The following PCNX2 variants were observed in gnomAD, a reference collection of about 807,000 sequenced individuals.
PCNX2 encodes pecanex-like protein 2.
A neutral mutation model predicts 223.8 loss-of-function variants in PCNX2; 168 were observed. That is an observed-to-expected ratio of 0.75 (90% confidence interval 0.66 to 0.85). The LOEUF (loss-of-function observed/expected upper bound fraction) is 0.85. PCNX2 is among the 40% of genes least tolerant of loss of function. The pLI is 0.00. For missense variants in PCNX2, 2,507 were observed against 2,675.5 expected, an observed-to-expected ratio of 0.94 and a Z score of 1.39; for synonymous variants, 1,006 against 1,052.6, an observed-to-expected ratio of 0.96 and a Z score of 0.86.
chr1:233,292,382 T>C (rs980295271), intron 1 of PCNX2, among the ~76,000 whole-genome samples: 4 of 152,150 alleles, frequency 2.6e-5, no homozygotes, highest in African/African-American at 4.8e-5. Flanking sequence ...TAATTTTTTG[T>C]CTTTTTAGTA....
chr1:232,994,079 G>A (rs939601726), intron 32 of PCNX2, among the ~76,000 whole-genome samples: 5 of 152,228 alleles, frequency 3.3e-5, no homozygotes, highest in Admixed American at 2.0e-4. Flanking sequence ...AGCCCCCAGA[G>A]TCCCACTGGG....
intron 21 of PCNX2, among the ~76,000 whole-genome samples, chr1:233,116,114 T>C (rs1675392533): frequency 6.6e-6 from 1 of 150,664 alleles, no homozygotes; most frequent in African/African-American, 2.4e-5. Context: ...ACAATAGAAA[T>C]GCAAAATATG....
At chr1:232,987,682 C>T (rs990857612) in intron 32 of PCNX2, among the ~76,000 whole-genome samples, 7 of 152,122 alleles carry the variant, frequency 4.6e-5, no homozygotes, top group Non-Finnish European at 1.0e-4. Flanking sequence ...CCAGGAGAAC[C>T]CAAGAACTGA....
intron 17 of PCNX2, chr1:233,172,258 C>A (rs777253995): frequency 6.9e-6 from 5 of 719,472 alleles, no homozygotes; most frequent in Non-Finnish European, 8.5e-6. Context: ...GTGCATTTTC[C>A]CTAAAAAAAC....
intron 15 of PCNX2, among the ~76,000 whole-genome samples, chr1:233,183,716 T>C (rs1412490397): frequency 6.6e-6 from 1 of 152,046 alleles, no homozygotes; most frequent in African/African-American, 2.4e-5. Context: ...GAGAGAGTCT[T>C]GGAAAGGAAA....
chr1:233,295,806 C>T (rs974459002), upstream of PCNX2: 3 of 274,588 alleles, frequency 1.1e-5, no homozygotes, highest in Non-Finnish European at 1.4e-5. The surrounding 1 kb of genome is among the most constrained non-coding windows in gnomAD (Gnocchi z 4.1). Context: ...CCAGTCCCTC[C>T]TTAGCCTTCG....
chr1:233,062,814 C>T (rs907096542), intron 23 of PCNX2, among the ~76,000 whole-genome samples: 1 of 152,090 alleles, frequency 6.6e-6, no homozygotes, highest in African/African-American at 2.4e-5. Context: ...ATTATAAAGA[C>T]AATTCTACAG....
chr1:233,114,886 G>A (rs1305095127), intron 21 of PCNX2, among the ~76,000 whole-genome samples: 1 of 152,120 alleles, frequency 6.6e-6, no homozygotes, highest in Non-Finnish European at 1.5e-5. Context: ...ACTTTCAGGG[G>A]TTTTACTTCC....
At chr1:233,234,295 C>T (rs1259021308) in intron 9 of PCNX2, among the ~76,000 whole-genome samples, 1 of 152,200 alleles carries the variant, frequency 6.6e-6, no homozygotes, top group African/African-American at 2.4e-5. Context: ...AGTAGAACTA[C>T]ATTATTTTCC....
In PCNX2 at chr1:233,290,894, T is replaced by C. The variant is rs753103343; in HGVS notation, c.153+4432A>G. 4.1e-6 allele frequency: 4 copies of C among 985,268 alleles called. No individual in the cohort carries two copies. The African/African-American group carries it at 5.2e-5, about 13-fold the overall frequency. 61.0% of individuals were successfully genotyped at this position (985,268 alleles called of 1,614,324 possible). On this transcript the variant is annotated intron_variant, in intron 1 of 33. Coordinates refer to ENST00000258229, the MANE Select transcript of PCNX2 (RefSeq NM_014801.4). ...GGAAAGGGCTGCCCATACAAACATA[T>C]ATGCCAGGCCTGGAAAATTAAGTCT...
At chr1:233,294,181 G>A (rs186079315) in intron 1 of PCNX2, among the ~76,000 whole-genome samples, 6 of 152,236 alleles carry the variant, frequency 3.9e-5, no homozygotes, top group African/African-American at 1.4e-4. Flanking sequence ...GTAAACCCAA[G>A]GCCTGAGTCC....
chr1:232,996,853 C>T (rs1015209575), intron 32 of PCNX2, among the ~76,000 whole-genome samples: 5 of 152,156 alleles, frequency 3.3e-5, no homozygotes, highest in African/African-American at 7.2e-5. Flanking sequence ...TTTACAAATG[C>T]GGGACAAAGA....
intron 21 of PCNX2, among the ~76,000 whole-genome samples, chr1:233,132,307 G>A (rs1676552035): frequency 6.6e-6 from 1 of 152,044 alleles, no homozygotes; most frequent in Admixed American, 6.5e-5. Context: ...TTCTACACAG[G>A]ATGTCGCTGA....
rs989915349 is a variant in PCNX2, at chr1:232,990,240, C to T, written c.5792-3700G>A. On this transcript the variant is annotated intron_variant, in intron 32 of 33. Transcript: ENST00000258229. The surrounding 1 kb of genome is among the most constrained non-coding windows in gnomAD (Gnocchi z 4.3). ...CCGGGCAGGGCCAGGCAGAGCCGCC[C>T]CTCCCGTTGTGGTAGCCTCCTTCTT... 2.0e-5 allele frequency among the ~76,000 whole-genome samples: 3 copies of T among 152,162 alleles called. No individual in the cohort carries two copies. The highest frequency in any genetic ancestry group is 7.2e-5 in the African/African-American group (3 of 41,440).
In PCNX2 at chr1:233,263,019, C is replaced by T. The variant is rs1380486929; in HGVS notation, c.298G>A (p.Glu100Lys). The change falls in exon 2 of 34, where the codon GAA (glutamate) becomes AAA (lysine). Residue 100 changes from glutamate to lysine, a missense_variant. Coordinates refer to ENST00000258229, the MANE Select transcript of PCNX2 (RefSeq NM_014801.4). ...GCCTCCTTGTCTTTATTTGGCTTTTCTTCCTTTCTGGAGGGCTTTTGCTGA... is the reference window on the plus strand; with the variant it reads ...GCCTCCTTGTCTTTATTTGGCTTTTTTTCCTTTCTGGAGGGCTTTTGCTGA... Reference protein sequence around the residue: ...VIQQKPSRKEEKPNKDKEAKG... With the variant: ...VIQQKPSRKEKKPNKDKEAKG... 1 of 1,613,712 alleles carries T rather than the reference C, an allele frequency of 6.2e-7. No homozygotes were observed. Among genetic ancestry groups the T allele is most frequent in the Non-Finnish European group, 8.5e-7 (1 of 1,179,788 alleles).
intron 19 of PCNX2, among the ~76,000 whole-genome samples, chr1:233,154,556 C>G (rs1160820473): frequency 6.6e-6 from 1 of 152,180 alleles, no homozygotes. Context: ...AGTGAATTTA[C>G]AAAGCATTAA....
At chr1:233,275,937 G>A (rs764265317) in intron 1 of PCNX2, among the ~76,000 whole-genome samples, 27 of 152,094 alleles carry the variant, frequency 1.8e-4, no homozygotes, top group Non-Finnish European at 4.0e-4. Flanking sequence ...GGCTGAGGCA[G>A]GAGAATCGCT....
intron 21 of PCNX2, among the ~76,000 whole-genome samples, chr1:233,103,983 G>A (rs1013858715): frequency 1.3e-5 from 2 of 152,138 alleles, no homozygotes; most frequent in African/African-American, 2.4e-5. Context: ...AGGTGATGCT[G>A]ATGCTGCCAG....
At chr1:233,236,758 T>C in intron 9 of PCNX2, 87 bp downstream of exon 9, 1 of 1,548,398 alleles carries the variant, frequency 6.5e-7, no homozygotes, top group Non-Finnish European at 8.8e-7. Context: ...AGCTGACTAA[T>C]CCTGTCAAGT....
Sources: allele counts gnomAD v4.1 joint callset (sites outside exome capture counted in the v4.1 genomes callset), GRCh38; gene constraint gnomAD v4.1.1; non-coding constraint Gnocchi (gnomAD v3.1); transcripts MANE v1.5; gene names NCBI Gene and HGNC (gene_info 2026-07-23, HGNC 2026-07-21).